LCORL: variants seen among roughly 807,000 people sequenced by gnomAD.
LCORL encodes the protein ligand dependent nuclear receptor corepressor like.
A neutral mutation model predicts 141.8 loss-of-function variants in LCORL; 41 were observed. The ratio of observed to expected loss-of-function variants is 0.29; its 90% CI spans 0.23 to 0.38. The LOEUF is 0.38. Ranked by LOEUF, LCORL falls within the 10% of genes least tolerant of loss-of-function variation. The pLI, the probability that LCORL is intolerant of heterozygous loss-of-function variation, is 1.00. For missense variants in LCORL, 1,759 were observed against 2,035.0 expected (o/e 0.86, Z 2.61); for synonymous variants, 618 against 694.1 (o/e 0.89, Z 1.72).
chr4:18,007,926 AAAGT>A (rs1723082570), intron 1 of LCORL, among the ~76,000 whole-genome samples: 2 of 152,218 alleles, frequency 1.3e-5, no homozygotes, highest in Non-Finnish European at 2.9e-5. Flanking sequence ...AAAGAAGAAA[AAAGT>A]AATTATTGGG....
chr4:17,932,613 A>T (rs1015372242), intron 4 of LCORL, among the ~76,000 whole-genome samples: 1 of 152,200 alleles, frequency 6.6e-6, no homozygotes, highest in African/African-American at 2.4e-5. Context: ...CCATTTATTC[A>T]TTGCAAGAAA....
At chr4:17,879,913 C>T (rs544214855) in intron 6 of LCORL, among the ~76,000 whole-genome samples, 2 of 150,846 alleles carry the variant, frequency 1.3e-5, no homozygotes, top group African/African-American at 4.8e-5. Flanking sequence ...GTTAATAAAG[C>T]CAGGTATGTG....
rs767414344 is a variant in LCORL at position 17,842,348 on chromosome 4, A to T, written c.*3540T>A. On this transcript the variant is annotated 3_prime_UTR_variant, in exon 8 of 8. Transcript: ENST00000635767. ...GACAGTTTCAGCTAGGACGAACAGG[A>T]GGTGTCAGACTGCTGAAGCCGACTC... 6 of 1,612,116 alleles carry T rather than the reference A, an allele frequency of 3.7e-6. No homozygotes were observed. The South Asian group carries it at 5.5e-5, about 15-fold the overall frequency.
intron 1 of LCORL, among the ~76,000 whole-genome samples, chr4:17,974,050 C>G (rs1716475756): frequency 6.6e-6 from 1 of 152,042 alleles, no homozygotes; most frequent in South Asian, 2.1e-4. Context: ...CTACCTACTA[C>G]TCGAGCAAGC....
At chr4:17,963,640 GA>G (rs1452952410) in intron 2 of LCORL, among the ~76,000 whole-genome samples, 3 of 138,614 alleles carry the variant, frequency 2.2e-5, no homozygotes, top group Non-Finnish European at 4.6e-5. Context: ...ATAAAACATA[GA>G]TTTTTTTTTT....
chr4:17,845,475 C>A, exon 8 of LCORL: 1 of 328,148 alleles, frequency 3.0e-6, no homozygotes, highest in Non-Finnish European at 5.6e-6. Context: ...AAACTTAGGG[C>A]ATAAAAAATT....
exon 8 of LCORL, chr4:17,844,486 T>C (rs1028579006): frequency 3.3e-5 from 5 of 152,418 alleles, no homozygotes; most frequent in Non-Finnish European, 5.9e-5. Context: ...CAAATTGCTA[T>C]ACATATGTGC....
exon 7 of LCORL, chr4:17,875,287 G>C: frequency 2.4e-6 from 3 of 1,231,370 alleles, no homozygotes; most frequent in Middle Eastern, 3.1e-4. Flanking sequence ...TGATTTGGTC[G>C]AATAATGTTC....
At chr4:17,874,109 G>A in exon 7 of LCORL, 1 of 1,220,812 alleles carries the variant, frequency 8.2e-7, no homozygotes, top group Non-Finnish European at 1.0e-6. Flanking sequence ...AAAATCTTAA[G>A]TTTCTCCTTT....
intron 4 of LCORL, among the ~76,000 whole-genome samples, chr4:17,926,680 T>C (rs553293478): frequency 3.3e-5 from 5 of 152,360 alleles, no homozygotes; most frequent in African/African-American, 1.2e-4. Context: ...GAGTCAATAC[T>C]CCTTAATAAA....
chr4:17,873,219 C>T (rs1222836576), intron 7 of LCORL, among the ~76,000 whole-genome samples, 169 bp downstream of exon 7: 1 of 152,068 alleles, frequency 6.6e-6, no homozygotes, highest in Non-Finnish European at 1.5e-5. Flanking sequence ...CGCACTGGTA[C>T]ATTTAGCAGC....
At chr4:18,009,246 C>A (rs927333364) in intron 1 of LCORL, among the ~76,000 whole-genome samples, 7 of 152,082 alleles carry the variant, frequency 4.6e-5, no homozygotes, top group Non-Finnish European at 8.8e-5. Context: ...CCTTCTCAGA[C>A]AATGAGAAGC....
At chr4:17,906,522 TA>T (rs1310015878) in intron 5 of LCORL, among the ~76,000 whole-genome samples, 13 of 152,202 alleles carry the variant, frequency 8.5e-5, no homozygotes, top group African/African-American at 3.1e-4. Context: ...CCACTATCAC[TA>T]CTCTTTCCAA....
At chr4:17,995,464 C>A (rs1720768945) in intron 1 of LCORL, among the ~76,000 whole-genome samples, 1 of 152,010 alleles carries the variant, frequency 6.6e-6, no homozygotes, top group Non-Finnish European at 1.5e-5. Context: ...TCAATAGCAC[C>A]AAGGCTGAGA....
intron 4 of LCORL, among the ~76,000 whole-genome samples, chr4:17,952,413 A>G (rs76078090): frequency 6.8e-6 from 1 of 147,546 alleles, no homozygotes; most frequent in East Asian, 1.9e-4. Context: ...CCTCAAAAAC[A>G]ATTTTTTTTT....
intron 1 of LCORL, among the ~76,000 whole-genome samples, chr4:18,016,649 T>G (rs1387032634): frequency 6.6e-6 from 1 of 152,170 alleles, no homozygotes; most frequent in South Asian, 2.1e-4. Context: ...TTGAAAAATA[T>G]AAACTAACTC....
intron 4 of LCORL, among the ~76,000 whole-genome samples, chr4:17,915,457 T>C (rs1412761011): frequency 6.6e-6 from 1 of 152,210 alleles, no homozygotes; most frequent in East Asian, 1.9e-4. Flanking sequence ...TATAGAGTCA[T>C]AAATAATATA....
Position 17,971,579 on chromosome 4 carries a change from T to G in LCORL, c.220+1241A>C, listed in dbSNP as rs543114892. 5.2e-4 allele frequency among the ~76,000 whole-genome samples: 78 copies of G among 150,094 alleles called. 1 individual carries two copies. The highest frequency in any genetic ancestry group is 4.0e-3 in the South Asian group (19 of 4,736). ...CCTAAAAATACAGTGTAGTTATGTG[T>G]TTTTTTTTGGCTTTGAATATTTATT... On this transcript the variant is annotated intron_variant, in intron 2 of 7. Transcript: ENST00000635767.
intron 1 of LCORL, among the ~76,000 whole-genome samples, chr4:17,975,788 A>G (rs1716833708): frequency 6.6e-6 from 1 of 152,224 alleles, no homozygotes; most frequent in African/African-American, 2.4e-5. Context: ...TGGATAGCAT[A>G]TGATATACAC....
Sources: allele counts gnomAD v4.1 joint callset (sites outside exome capture counted in the v4.1 genomes callset), GRCh38; gene constraint gnomAD v4.1.1; transcripts MANE v1.5; gene names NCBI Gene and HGNC (gene_info 2026-07-23, HGNC 2026-07-21).